The following MRM3 variants were observed in gnomAD, a reference collection of about 807,000 sequenced individuals.
The protein encoded by MRM3 is mitochondrial rRNA methyltransferase 3.
MRM3 carries 26 observed loss-of-function variants against 29.4 expected under a neutral mutation model. The observed-to-expected ratio is 0.89, with a 90% CI of 0.65 to 1.23. MRM3 has a LOEUF of 1.23. Ranked by LOEUF, MRM3 falls within the 50% of genes most tolerant of loss-of-function variation. The probability of loss-of-function intolerance (pLI) is 0.00; values close to 1 mark genes in which losing one functional copy is unlikely to be tolerated. For missense variants in MRM3, 578 were observed against 540.2 expected (o/e 1.07, Z -0.69); for synonymous variants, 225 against 219.0 (o/e 1.03, Z -0.24).
intron 2 of MRM3, among the ~76,000 whole-genome samples, chr17:784,364 T>A (rs1910435082): frequency 6.6e-6 from 1 of 152,218 alleles, no homozygotes; most frequent in Admixed American, 6.5e-5. Context: ...GAATTACTCA[T>A]GCTAAGTAAC....
Position 782,353 on chromosome 17 carries a change from G to C in MRM3, c.-26G>C. The stretch of plus-strand genomic sequence containing the variant: ...CACTAGCCGCCGACGGCGCGCTTTC[G>C]TGACGCAGCCCGGGTCTCAGGGAAC... On this transcript the variant is annotated 5_prime_UTR_variant, in exon 1 of 4. Transcript: ENST00000304478. The C allele has an allele frequency of 6.2e-7, 1 of 1,612,968 alleles. No individual in the cohort carries two copies. Among genetic ancestry groups the C allele is most frequent in the Non-Finnish European group, 8.5e-7 (1 of 1,179,548 alleles).
At chr17:791,250 G>A (rs946758170) in intron 3 of MRM3, among the ~76,000 whole-genome samples, 9 of 152,104 alleles carry the variant, frequency 5.9e-5, no homozygotes, top group African/African-American at 1.9e-4. Context: ...TGCGTTCCTT[G>A]GGGTTGGGGA....
At chr17:784,845 G>A (rs185421975) in intron 2 of MRM3, among the ~76,000 whole-genome samples, 1 of 152,104 alleles carries the variant, frequency 6.6e-6, no homozygotes, top group Non-Finnish European at 1.5e-5. Flanking sequence ...ATGGCTTTTG[G>A]CCATCTGTGA....
At position 782,409 on chromosome 17, in the gene MRM3, G is replaced by A; in HGVS notation, c.31G>A (p.Val11Ile). The stretch of plus-strand genomic sequence containing the variant: ...GGCGCTGGTGAGACCCGCGAGGTTT[G>A]TCGTGCGACCGTTGCTGCAGGTGGT... The part of the protein sequence containing the change: MAALVRPARF[V>I]VRPLLQVVQA... The change falls in exon 1 of 4, where the codon GTC (valine) becomes ATC (isoleucine). Residue 11 changes from valine to isoleucine, a missense_variant. Val to Ile is a conservative substitution (Grantham distance 29). Coordinates refer to ENST00000304478, the MANE Select transcript of MRM3 (RefSeq NM_018146.4). 6.2e-7 allele frequency: 1 copy of A among 1,613,898 alleles called. No individual in the cohort carries two copies. The highest frequency in any genetic ancestry group is 8.5e-7 in the Non-Finnish European group (1 of 1,179,962).
Position 791,625 on chromosome 17 carries a change from C to G in MRM3, c.819C>G (p.Thr273=). The G allele has an allele frequency of 8.7e-6, 14 of 1,614,176 alleles. No individual in the cohort carries two copies. Among genetic ancestry groups the G allele is most frequent in the Non-Finnish European group, 1.2e-5 (14 of 1,180,040 alleles). ...TTATCAATAATCTGGAATGGGAAAC[C>G]GTGCCCAATTACCTGCCCCCTGACA... The part of the protein sequence containing the change: ...MPIINNLEWE[T]VPNYLPPDTR... The change falls in exon 4 of 4, where the codon ACC becomes ACG. Residue 273 remains threonine, a synonymous_variant. Coordinates refer to ENST00000304478, the MANE Select transcript of MRM3 (RefSeq NM_018146.4).
At chr17:785,418 G>A (rs1049979096) in intron 2 of MRM3, among the ~76,000 whole-genome samples, 1 of 152,050 alleles carries the variant, frequency 6.6e-6, no homozygotes, top group South Asian at 2.1e-4. Context: ...ATTATATAAT[G>A]TATATATAAT....
chr17:784,300 T>C (rs1432817045), intron 2 of MRM3, among the ~76,000 whole-genome samples: 1 of 152,254 alleles, frequency 6.6e-6, no homozygotes, highest in Admixed American at 6.5e-5. Context: ...TCTGTGCCTC[T>C]GCACTCAGAG....
At chr17:784,848 A>G (rs1165537262) in intron 2 of MRM3, among the ~76,000 whole-genome samples, 2 of 152,184 alleles carry the variant, frequency 1.3e-5, no homozygotes, top group Non-Finnish European at 2.9e-5. Context: ...GCTTTTGGCC[A>G]TCTGTGACTC....
Position 787,876 on chromosome 17 carries a change from G to T in MRM3, c.560-89G>T, listed in dbSNP as rs1910612598. ...TATTCCTGTATTTTTATGTAACTAA[G>T]ACCATATCAAGATTGATAAGTAAAT... is the stretch of plus-strand genomic sequence containing the variant. On this transcript the variant is annotated intron_variant, in intron 2 of 3. Coordinates refer to ENST00000304478, the MANE Select transcript of MRM3 (RefSeq NM_018146.4). The surrounding 1 kb of genome is among the most constrained non-coding windows in gnomAD (Gnocchi z 4.1). 3 of 1,291,468 alleles carry T rather than the reference G, an allele frequency of 2.3e-6. No homozygotes were observed. The highest frequency in any genetic ancestry group is 1.2e-5 in the South Asian group (1 of 82,338). The allele number at this position is 1,291,468 out of a possible 1,614,324, so 80.0% of individuals were successfully genotyped here.
chr17:791,699 T>C lies in MRM3; in HGVS notation c.893T>C (p.Met298Thr). The change falls in exon 4 of 4, where the codon ATG (methionine) becomes ACG (threonine). Residue 298 changes from methionine to threonine, a missense_variant. Transcript: ENST00000304478. The stretch of plus-strand genomic sequence containing the variant: ...TGTGGCCTTTATGCCCAGGCTGAGA[T>C]GTCTAATAAAGCTAGTGACCATGGC... Reference protein sequence around the residue: ...DNCGLYAQAEMSNKASDHGWV... With the variant: ...DNCGLYAQAETSNKASDHGWV... 1 of 1,614,172 alleles carries C rather than the reference T, an allele frequency of 6.2e-7. No individual in the cohort carries two copies. The highest frequency in any genetic ancestry group is 8.5e-7 in the Non-Finnish European group (1 of 1,180,030).
At position 789,944 on chromosome 17, in the gene MRM3, G is replaced by C. The variant is rs541791284; in HGVS notation, c.728-1590G>C. The C allele has an allele frequency of 6.6e-5, 10 of 152,292 alleles. No individual in the cohort carries two copies. The East Asian group carries it at 1.7e-3, about 27-fold the overall frequency. The allele number at this position is 152,292 out of a possible 1,614,324, so 9.4% of individuals were successfully genotyped here. A position where few individuals can be genotyped will look rare whatever the true frequency, so the allele number is the denominator to read the frequency against. ...CCCTCCAGGCAGAGGGGTCAGCCTC[G>C]GCCGCTCCTCTCACACGCCTGGGCC... On this transcript the variant is annotated intron_variant, in intron 3 of 3. Coordinates refer to ENST00000304478, the MANE Select transcript of MRM3 (RefSeq NM_018146.4).
chr17:791,504 C>T (rs568313787), intron 3 of MRM3, 30 bp from the exon 4 acceptor site: 3 of 1,598,392 alleles, frequency 1.9e-6, no homozygotes, highest in Non-Finnish European at 2.6e-6. Flanking sequence ...AGATTTGTAA[C>T]ATCTTGATTG....
rs1251951614 is a variant in MRM3 at position 788,144 on chromosome 17, A to G, written c.727+12A>G. 6.2e-7 allele frequency: 1 copy of G among 1,613,716 alleles called. No homozygotes were observed. Among genetic ancestry groups the G allele is most frequent in the Admixed American group, 1.7e-5 (1 of 59,984 alleles). On this transcript the variant is annotated intron_variant, in intron 3 of 3. Coordinates refer to ENST00000304478, the MANE Select transcript of MRM3 (RefSeq NM_018146.4). ...GTTACTCACCAAAGGTAAGGACATCAAAGGCCAGGCATAGTGGCTCACACT... is the reference window on the plus strand; with the variant it reads ...GTTACTCACCAAAGGTAAGGACATCGAAGGCCAGGCATAGTGGCTCACACT...
chr17:788,403 C>T (rs557354374), intron 3 of MRM3, among the ~76,000 whole-genome samples: 2 of 151,888 alleles, frequency 1.3e-5, no homozygotes, highest in Admixed American at 6.6e-5. Flanking sequence ...TCACTGCACT[C>T]CAGCCTGGGC....
In MRM3 at chr17:791,653, C is replaced by T; in HGVS notation, c.847C>T (p.Arg283Trp). The part of the protein sequence containing the change: ...TVPNYLPPDT[R>W]VYVADNCGLY... ...GCCCAATTACCTGCCCCCTGACACTCGGGTCTATGTGGCTGACAACTGTGG... is the reference window on the plus strand; with the variant it reads ...GCCCAATTACCTGCCCCCTGACACTTGGGTCTATGTGGCTGACAACTGTGG... The change falls in exon 4 of 4, where the codon CGG becomes TGG. Residue 283 changes from arginine to tryptophan, a missense_variant. Coordinates refer to ENST00000304478, the MANE Select transcript of MRM3 (RefSeq NM_018146.4). 6.2e-7 allele frequency: 1 copy of T among 1,614,190 alleles called. No individual in the cohort carries two copies. The highest frequency in any genetic ancestry group is 1.7e-5 in the Admixed American group (1 of 60,020).
At position 782,395 on chromosome 17, in the gene MRM3, G is replaced by A. The variant is rs1910148257; in HGVS notation, c.17G>A (p.Arg6Lys). 1 of 1,613,736 alleles carries A rather than the reference G, an allele frequency of 6.2e-7. No individual in the cohort carries two copies. The highest frequency in any genetic ancestry group is 8.5e-7 in the Non-Finnish European group (1 of 1,179,922). The change falls in exon 1 of 4, where the codon AGA becomes AAA. Residue 6 changes from arginine to lysine, a missense_variant. By Grantham distance (26) the Arg-to-Lys change is conservative. Transcript: ENST00000304478. MAALVRPARFVVRPLL... is the reference protein window; with the variant it reads MAALVKPARFVVRPLL... ...TCAGGGAACATGGCGGCGCTGGTGA[G>A]ACCCGCGAGGTTTGTCGTGCGACCG...
chr17:790,438 C>G (rs1462276015), intron 3 of MRM3: 1 of 167,904 alleles, frequency 6.0e-6, no homozygotes, highest in Non-Finnish European at 1.3e-5. Context: ...AACTCCTCAG[C>G]TTCCCATAGG....
rs751518988 is a variant in MRM3, at chr17:792,015, A to G, written c.1209A>G (p.Lys403=). The change falls in exon 4 of 4, where the codon AAA becomes AAG. Residue 403 remains lysine, a synonymous_variant. Coordinates refer to ENST00000304478, the MANE Select transcript of MRM3 (RefSeq NM_018146.4). ...MAASILLFEG[K]RQLRGRAEDL... ...CAAGCATCCTGCTTTTCGAAGGGAA[A>G]AGACAGCTGCGGGGGAGGGCGGAGG... The G allele has an allele frequency of 3.7e-6, 6 of 1,613,624 alleles. No homozygotes were observed. The Admixed American group carries it at 5.0e-5, about 13-fold the overall frequency.
intron 2 of MRM3, among the ~76,000 whole-genome samples, chr17:785,560 A>C (rs1910493989): frequency 6.6e-6 from 1 of 152,214 alleles, no homozygotes; most frequent in Non-Finnish European, 1.5e-5. Flanking sequence ...AGCGGTCGCC[A>C]GTAAGTGGCT....
Sources: gnomAD v4.1 joint callset for allele counts (sites outside exome capture counted in the v4.1 genomes callset) on GRCh38, gnomAD v4.1.1 for gene constraint, Gnocchi (gnomAD v3.1) non-coding constraint, MANE v1.5 for transcripts, NCBI Gene and HGNC (gene_info 2026-07-23, HGNC 2026-07-21) for gene names.